FHIT: variants seen among roughly 807,000 people sequenced by gnomAD.
FHIT encodes bis(5'-adenosyl)-triphosphatase.
A neutral mutation model predicts 17.9 loss-of-function variants in FHIT; 19 were observed. That is an observed-to-expected ratio of 1.06 (90% CI 0.74 to 1.56). FHIT has a LOEUF of 1.56. Ranked by LOEUF, FHIT falls within the 40% of genes most tolerant of loss-of-function variation. The probability of loss-of-function intolerance (pLI) is 0.00; values close to 1 mark genes in which losing one functional copy is unlikely to be tolerated. For synonymous variants in FHIT, 81 were observed against 69.7 expected (o/e 1.16, Z -0.81); for missense variants, 248 against 189.2 (o/e 1.31, Z -1.82).
chr3:60,869,796 T>G (rs962860601), intron 3 of FHIT, among the ~76,000 whole-genome samples: 1 of 152,136 alleles, frequency 6.6e-6, no homozygotes, highest in South Asian at 2.1e-4. Context: ...CCACCATCAC[T>G]GCAAGTTGTC....
chr3:60,620,918 A>C (rs2039106132), intron 4 of FHIT, among the ~76,000 whole-genome samples: 1 of 152,116 alleles, frequency 6.6e-6, no homozygotes, highest in Admixed American at 6.5e-5. Flanking sequence ...CAAACTCTGC[A>C]CTCGTTGCTC....
intron 4 of FHIT, among the ~76,000 whole-genome samples, chr3:60,696,114 AAAGGAAGGAAGGAAGGAAAG>A (rs1553700584): frequency 6.6e-6 from 1 of 152,048 alleles, no homozygotes; most frequent in African/African-American, 2.4e-5. Context: ...TTAAAAGAAG[AAAGGAAGGAAGGAAGGAAAG>A]AAGGAAGGAA....
In FHIT at chr3:61,042,614, G is replaced by A. The variant is rs543465958; in HGVS notation, c.-163-515C>T. On this transcript the variant is annotated intron_variant, in intron 2 of 9. Coordinates refer to ENST00000492590, the MANE Select transcript of FHIT (RefSeq NM_002012.4). ...AGCATTTTGGGAAGCTGAGGTGGGC[G>A]GATCACTCGAGGTCAGCCGTTCGAG... Among the ~76,000 whole-genome samples, 227 of 152,158 alleles carry A rather than the reference G, an allele frequency of 1.5e-3. 1 individual carries two copies. Among genetic ancestry groups the A allele is most frequent in the African/African-American group, 2.3e-3 (95 of 41,492 alleles).
chr3:60,687,788 T>C (rs1023205241), intron 4 of FHIT, among the ~76,000 whole-genome samples: 19 of 152,278 alleles, frequency 1.2e-4, no homozygotes, highest in Non-Finnish European at 2.5e-4. Context: ...TCCATCAATT[T>C]TTCCTTATAT....
intron 5 of FHIT, among the ~76,000 whole-genome samples, chr3:60,383,575 G>C (rs553949369): frequency 7.9e-5 from 12 of 151,766 alleles, no homozygotes; most frequent in Non-Finnish European, 1.8e-4. Context: ...ACAACGCCAA[G>C]GTGAAAAAAC....
intron 3 of FHIT, among the ~76,000 whole-genome samples, chr3:60,957,817 T>C (rs1163876876): frequency 6.6e-6 from 1 of 152,314 alleles, no homozygotes; most frequent in Non-Finnish European, 1.5e-5. Flanking sequence ...CAACTGATAT[T>C]GTATATGCAC....
chr3:60,836,082 G>A lies in FHIT; in HGVS notation c.-110-14071C>T, dbSNP rs1487419686. ...CTTATTGCATTGATTAGAACTTCCT[G>A]CACTATGTTGAATAGGAGTGGTGGA... On this transcript the variant is annotated intron_variant, in intron 3 of 9. Coordinates refer to ENST00000492590, the MANE Select transcript of FHIT (RefSeq NM_002012.4). Among the ~76,000 whole-genome samples the A allele has an allele frequency of 3.3e-5, 5 of 152,208 alleles. No individual in the cohort carries two copies. In the East Asian group the frequency reaches 9.7e-4, roughly 29 times the overall value.
At chr3:60,713,062 A>G (rs1553705597) in intron 4 of FHIT, among the ~76,000 whole-genome samples, 2 of 152,230 alleles carry the variant, frequency 1.3e-5, no homozygotes, top group Admixed American at 1.3e-4. Flanking sequence ...AAGAAGAGAA[A>G]TTATAACAAA....
Position 60,967,497 on chromosome 3 carries a change from T to C in FHIT, c.-111+74550A>G, listed in dbSNP as rs188064589. On this transcript the variant is annotated intron_variant, in intron 3 of 9. Transcript: ENST00000492590. The stretch of plus-strand genomic sequence containing the variant: ...CAAGTTGATGACTCTTTGAAAATAA[T>C]ATAGAAAAGTATATATAAATACATA... Among the ~76,000 whole-genome samples, 48 of 152,272 alleles carry C rather than the reference T, an allele frequency of 3.2e-4. 1 individual carries two copies. Among genetic ancestry groups the C allele is most frequent in the Admixed American group, 1.3e-3 (20 of 15,298 alleles).
chr3:60,124,007 T>TAG (rs1559653690), intron 5 of FHIT, among the ~76,000 whole-genome samples: 14 of 17,770 alleles, frequency 7.9e-4, no homozygotes, highest in Non-Finnish European at 8.1e-4. Flanking sequence ...TATATATATA[T>TAG]ATAGAGAGAG....
chr3:60,030,192 G>A (rs774300227), intron 5 of FHIT, among the ~76,000 whole-genome samples: 5 of 152,044 alleles, frequency 3.3e-5, no homozygotes, highest in Admixed American at 2.0e-4. Flanking sequence ...TGACTGAAGG[G>A]AGATTACATA....
chr3:60,681,463 G>A (rs1242034436), intron 4 of FHIT, among the ~76,000 whole-genome samples: 3 of 152,148 alleles, frequency 2.0e-5, no homozygotes, highest in Non-Finnish European at 4.4e-5. Flanking sequence ...TCAAGTGAAA[G>A]GAAGAGTCCC....
intron 4 of FHIT, among the ~76,000 whole-genome samples, chr3:60,614,992 G>A (rs1033122098): frequency 6.6e-6 from 1 of 151,842 alleles, no homozygotes; most frequent in Non-Finnish European, 1.5e-5. Context: ...ACCACGCCCG[G>A]CTAATTTTTG....
intron 3 of FHIT, among the ~76,000 whole-genome samples, chr3:60,894,533 G>A (rs1575655252): frequency 6.6e-6 from 1 of 152,158 alleles, no homozygotes; most frequent in East Asian, 1.9e-4. Context: ...AGTCATTTGG[G>A]TGACAGCATT....
In FHIT at chr3:60,367,683, C is replaced by A. The variant is rs577315843; in HGVS notation, c.103+169177G>T. ...TATCCAATTTTTAAAAACAACAAAG[C>A]AAAAGTTACATGGTATGACCTATAG... On this transcript the variant is annotated intron_variant, in intron 5 of 9. Coordinates refer to ENST00000492590, the MANE Select transcript of FHIT (RefSeq NM_002012.4). Among the ~76,000 whole-genome samples the A allele has an allele frequency of 5.1e-4, 78 of 152,082 alleles. 1 individual carries two copies. The highest frequency in any genetic ancestry group is 7.1e-4 in the Non-Finnish European group (48 of 67,998).
intron 4 of FHIT, among the ~76,000 whole-genome samples, chr3:60,560,286 G>A (rs1377154629): frequency 2.0e-5 from 3 of 152,138 alleles, no homozygotes; most frequent in Admixed American, 2.0e-4. Flanking sequence ...CCTAGTACAG[G>A]GCTTCTCATA....
At chr3:60,334,359 G>C (rs9872805) in intron 5 of FHIT, among the ~76,000 whole-genome samples, 2,253 of 152,216 alleles carry the variant, frequency 0.015, 65 homozygotes, top group African/African-American at 0.052. Context: ...CAATTTTAAA[G>C]GAGCAAATTC....
At chr3:61,054,782 T>C (rs1188649450) in intron 2 of FHIT, among the ~76,000 whole-genome samples, 2 of 152,190 alleles carry the variant, frequency 1.3e-5, no homozygotes, top group African/African-American at 2.4e-5. Flanking sequence ...GAATGACCTG[T>C]TGGCCCAGTC....
chr3:59,835,537 C>T (rs991246123), intron 8 of FHIT, among the ~76,000 whole-genome samples: 5 of 152,072 alleles, frequency 3.3e-5, no homozygotes, highest in African/African-American at 4.8e-5. Flanking sequence ...CATGAGTGAG[C>T]TTGTTCTAGG....
Sources: gnomAD v4.1 joint callset for allele counts (sites outside exome capture counted in the v4.1 genomes callset) on GRCh38, gnomAD v4.1.1 for gene constraint, MANE v1.5 for transcripts, NCBI Gene and HGNC (gene_info 2026-07-23, HGNC 2026-07-21) for gene names.